UGGT1: variants seen among roughly 807,000 people sequenced by gnomAD.
UGGT1 encodes UDP-glucose:glycoprotein glucosyltransferase 1.
Under a neutral mutation model 203.9 loss-of-function variants are expected in UGGT1, and 107 were observed. The observed-to-expected ratio is 0.52, with a 90% CI of 0.45 to 0.62. The LOEUF (loss-of-function observed/expected upper bound fraction) is 0.62. UGGT1 is among the 20% of genes least tolerant of loss of function. The probability of loss-of-function intolerance (pLI) is 0.00; values close to 1 mark genes in which losing one functional copy is unlikely to be tolerated. For missense variants in UGGT1, 1,673 were observed against 1,867.2 expected (o/e 0.90, Z 1.92); for synonymous variants, 628 against 653.5 (o/e 0.96, Z 0.59).
At chr2:128,186,638 C>G in intron 38 of UGGT1, 45 bp from the exon 39 acceptor site, 1 of 1,479,386 alleles carries the variant, frequency 6.8e-7, no homozygotes, top group Non-Finnish European at 9.3e-7. Flanking sequence ...ATCGCCAGAA[C>G]TTTAGATACA....
Position 128,155,648 on chromosome 2 carries a change from C to A in UGGT1, c.2236+61C>A, listed in dbSNP as rs964910849. ...ATTTTTTTGAAAGTATTTGCATATT[C>A]ATCTTAATGTGCAAATTAAGAGAGA... On this transcript the variant is annotated intron_variant, in intron 20 of 40. Coordinates refer to ENST00000259253, the MANE Select transcript of UGGT1 (RefSeq NM_020120.4). 3.7e-5 allele frequency: 48 copies of A among 1,281,536 alleles called. No individual in the cohort carries two copies. In the African/African-American group the frequency reaches 6.3e-4, roughly 17 times the overall value. The allele number at this position is 1,281,536 out of a possible 1,614,324, so 79.4% of individuals were successfully genotyped here.
At chr2:128,149,742 C>T (rs1009111748) in intron 18 of UGGT1, among the ~76,000 whole-genome samples, 2 of 151,056 alleles carry the variant, frequency 1.3e-5, no homozygotes, top group Non-Finnish European at 1.5e-5. Flanking sequence ...GCCGAGATTG[C>T]GCCACTGCAC....
chr2:128,144,242 A>T (rs898568957), intron 17 of UGGT1, among the ~76,000 whole-genome samples: 1 of 152,190 alleles, frequency 6.6e-6, no homozygotes, highest in Non-Finnish European at 1.5e-5. Context: ...TTTGTTAATT[A>T]TTTATCATTA....
intron 13 of UGGT1, among the ~76,000 whole-genome samples, chr2:128,132,313 C>T (rs183479809): frequency 9.4e-4 from 142 of 151,822 alleles, no homozygotes; most frequent in Middle Eastern, 3.4e-3. Context: ...TTTGGGAGGC[C>T]GAGGTGGGCG....
rs767082812 is a variant in UGGT1, at chr2:128,127,493, T to C, written c.1226+41T>C. ...TTCATTCTCTGAAAAGTTTTTGTAATGCGTAGCACCTTGTAACATGTTCAT... is the reference window on the plus strand; with the variant it reads ...TTCATTCTCTGAAAAGTTTTTGTAACGCGTAGCACCTTGTAACATGTTCAT... On this transcript the variant is annotated intron_variant, in intron 12 of 40. Coordinates refer to ENST00000259253, the MANE Select transcript of UGGT1 (RefSeq NM_020120.4). 2.4e-5 allele frequency: 33 copies of C among 1,395,568 alleles called. 1 individual carries two copies. Among genetic ancestry groups the C allele is most frequent in the African/African-American group, 1.6e-4 (11 of 70,100 alleles). The allele number at this position is 1,395,568 out of a possible 1,614,324, so 86.4% of individuals were successfully genotyped here. A position where few individuals can be genotyped will look rare whatever the true frequency, so the allele number is the denominator to read the frequency against.
chr2:128,164,623 C>A, intron 25 of UGGT1, 107 bp from the exon 26 acceptor site: 2 of 905,982 alleles, frequency 2.2e-6, no homozygotes, highest in South Asian at 1.4e-5. Context: ...ATACCTTGTT[C>A]AAACCATCTT....
At chr2:128,175,046 G>A (rs1284387542) in intron 31 of UGGT1, among the ~76,000 whole-genome samples, 188 bp downstream of exon 31, 1 of 152,178 alleles carries the variant, frequency 6.6e-6, no homozygotes, top group African/African-American at 2.4e-5. Context: ...ATAATAAGAG[G>A]TATAGATGCT....
intron 28 of UGGT1, among the ~76,000 whole-genome samples, chr2:128,172,253 G>C (rs1034155362): frequency 6.6e-6 from 1 of 152,168 alleles, no homozygotes; most frequent in African/African-American, 2.4e-5. Flanking sequence ...ATTGGATTTT[G>C]GCTTGCAGGT....
intron 28 of UGGT1, among the ~76,000 whole-genome samples, chr2:128,171,617 C>T (rs918034125): frequency 1.3e-5 from 2 of 152,132 alleles, no homozygotes; most frequent in African/African-American, 2.4e-5. Flanking sequence ...AAGGGATTCT[C>T]CTGCTTCAGC....
intron 25 of UGGT1, among the ~76,000 whole-genome samples, chr2:128,161,728 G>T (rs1690536229): frequency 1.3e-5 from 2 of 152,114 alleles, no homozygotes; most frequent in Admixed American, 1.3e-4. Flanking sequence ...TGATGAATTG[G>T]TTGTTGTCGG....
At chr2:128,181,535 A>G (rs779785501) in intron 36 of UGGT1, among the ~76,000 whole-genome samples, 66 of 152,194 alleles carry the variant, frequency 4.3e-4, no homozygotes, top group Admixed American at 1.7e-3. Flanking sequence ...AGAGCATACA[A>G]ACTCAAACAG....
rs548013257 is a variant in UGGT1, at chr2:128,171,750, C to T, written c.3104+466C>T. Among the ~76,000 whole-genome samples, 6 of 152,272 alleles carry T rather than the reference C, an allele frequency of 3.9e-5. No individual in the cohort carries two copies. The East Asian group carries it at 1.2e-3, about 29-fold the overall frequency. On this transcript the variant is annotated intron_variant, in intron 28 of 40. Transcript: ENST00000259253. Reference sequence around the variant, plus strand: ...CTCGAACTCCTGACCTCAAGTGATCCGTCTGCCTCACTTCCCAAAGTGCTG... The same window carrying T: ...CTCGAACTCCTGACCTCAAGTGATCTGTCTGCCTCACTTCCCAAAGTGCTG...
chr2:128,185,326 C>T (rs562287965), intron 38 of UGGT1, among the ~76,000 whole-genome samples: 3 of 151,242 alleles, frequency 2.0e-5, no homozygotes, highest in South Asian at 4.2e-4. Context: ...TGCCACCACA[C>T]CCAGCTAATT....
At chr2:128,188,291 G>A (rs1268161973) in intron 40 of UGGT1, among the ~76,000 whole-genome samples, 7 of 151,876 alleles carry the variant, frequency 4.6e-5, no homozygotes, top group East Asian at 1.9e-4. Flanking sequence ...TGATCCGCCC[G>A]CCTCAGCCTC....
At chr2:128,150,919 C>T (rs915046759) in intron 18 of UGGT1, among the ~76,000 whole-genome samples, 9 of 151,298 alleles carry the variant, frequency 5.9e-5, no homozygotes, top group Non-Finnish European at 1.0e-4. Flanking sequence ...GGTGTGATCT[C>T]GGTTTACTGC....
rs199603289 is a variant in UGGT1, at chr2:128,161,142, T to C, written c.2699T>C (p.Ile900Thr). ...CTGCTCTTCTCTCCTTCACAGATCA[T>C]TGGGCCACTGGAGGATAGTGAGCTC... is the stretch of plus-strand genomic sequence containing the variant. ...QRAVISNGRI[I>T]GPLEDSELFN... Residue 900 changes from isoleucine to threonine, a missense_variant, in exon 25 of 41, where the codon ATT (isoleucine) becomes ACT (threonine). Physicochemically the swap from Ile to Thr is moderately conservative, Grantham distance 89. Transcript: ENST00000259253. The C allele has an allele frequency of 6.8e-6, 11 of 1,613,814 alleles. No individual in the cohort carries two copies. Among genetic ancestry groups the C allele is most frequent in the East Asian group, 2.2e-5 (1 of 44,848 alleles).
chr2:128,104,809 G>A (rs1194210526), intron 3 of UGGT1, among the ~76,000 whole-genome samples: 3 of 152,042 alleles, frequency 2.0e-5, no homozygotes, highest in African/African-American at 7.2e-5. Flanking sequence ...ACTACGCCTG[G>A]CTAATTTTTG....
At position 128,186,770 on chromosome 2, in the gene UGGT1, T is replaced by G. The variant is rs1003831077; in HGVS notation, c.4447T>G (p.Ser1483Ala). The change falls in exon 39 of 41, where the codon TCT becomes GCT. Residue 1483 changes from serine (S) to alanine (A), a missense_variant. Physicochemically the swap from Ser to Ala is moderately conservative, Grantham distance 99 (BLOSUM62 1). This residue lies in a region of UGGT1 where 513 missense variants were observed against 684.1 expected (regional missense o/e 0.75). Transcript: ENST00000259253. The part of the protein sequence containing the change: ...LWCETWCDDA[S>A]KKRAKTIDLC... ...GTGTGAAACGTGGTGTGATGACGCC[T>G]CTAAGAAAAGGGCAAAAACCATTGA... The G allele has an allele frequency of 1.9e-6, 3 of 1,613,216 alleles. No individual in the cohort carries two copies. The highest frequency in any genetic ancestry group is 2.7e-5 in the African/African-American group (2 of 75,002).
chr2:128,097,602 A>G (rs757529290), intron 2 of UGGT1, 38 bp downstream of exon 2: 5 of 1,610,578 alleles, frequency 3.1e-6, no homozygotes, highest in African/African-American at 1.3e-5. Context: ...GTATTTGAGT[A>G]TAAATATAGG....
Sources: allele counts gnomAD v4.1 joint callset (sites outside exome capture counted in the v4.1 genomes callset), GRCh38; gene constraint gnomAD v4.1.1; regional missense constraint gnomAD v4.1.1; transcripts MANE v1.5; gene names NCBI Gene and HGNC (gene_info 2026-07-23, HGNC 2026-07-21).